The following C2CD5 variants were observed in gnomAD, a reference collection of about 807,000 sequenced individuals.
C2CD5 encodes C2 domain-containing protein 5.
Under a neutral mutation model 130.3 loss-of-function variants are expected in C2CD5, and 109 were observed. The ratio of observed to expected loss-of-function variants is 0.84; its 90% CI spans 0.72 to 0.98. The LOEUF is 0.98. C2CD5 is among the 50% of genes least tolerant of loss of function. C2CD5 has a pLI of 0.00. For synonymous variants in C2CD5, 454 were observed against 429.2 expected, an observed-to-expected ratio of 1.06 and a Z score of -0.71; for missense variants, 996 against 1,261.8, an observed-to-expected ratio of 0.79 and a Z score of 3.19.
chr12:22,498,814 C>A (rs1947373900), intron 10 of C2CD5, among the ~76,000 whole-genome samples: 1 of 152,066 alleles, frequency 6.6e-6, no homozygotes, highest in Non-Finnish European at 1.5e-5. Context: ...CTTAAAATAT[C>A]AACTCACAAA....
chr12:22,544,491 T>TC lies in C2CD5; in HGVS notation c.-202dup, dbSNP rs1369431032. On this transcript the variant is annotated 5_prime_UTR_variant, in exon 1 of 27. The change creates a premature stop within an existing upstream ORF in the 5' untranslated region. Coordinates refer to ENST00000446597, the MANE Select transcript of C2CD5 (RefSeq NM_001286176.2). ...CTCTGCCGCCCCTGCTTGTCTCTCC[T>TC]CCCCCGCTCTCAAAAATGGCGGCTC... 5 of 188,448 alleles carry TC rather than the reference T, an allele frequency of 2.7e-5. No homozygotes were observed. The highest frequency in any genetic ancestry group is 5.4e-5 in the Non-Finnish European group (5 of 92,388). The allele number at this position is 188,448 out of a possible 1,614,324, so 11.7% of individuals were successfully genotyped here.
rs918774545 is a variant in C2CD5, at chr12:22,491,095, G to A, written c.1263-877C>T. Among the ~76,000 whole-genome samples, 3 of 152,312 alleles carry A rather than the reference G, an allele frequency of 2.0e-5. No individual in the cohort carries two copies. In the East Asian group the frequency reaches 5.8e-4, roughly 29 times the overall value. On this transcript the variant is annotated intron_variant, in intron 11 of 26. Coordinates refer to ENST00000446597, the MANE Select transcript of C2CD5 (RefSeq NM_001286176.2). The stretch of plus-strand genomic sequence containing the variant: ...TATAAGAGCAGAAGTGCATTTCAGA[G>A]AGTTTAATCCAGTAACAGAAAGTAG...
At chr12:22,528,355 T>G (rs1414269795) in intron 3 of C2CD5, among the ~76,000 whole-genome samples, 1 of 152,182 alleles carries the variant, frequency 6.6e-6, no homozygotes, top group African/African-American at 2.4e-5. Flanking sequence ...AAAAACAACC[T>G]AAGTTCACAA....
Position 22,506,764 on chromosome 12 carries a change from C to A in C2CD5, c.1094G>T (p.Gly365Val), listed in dbSNP as rs767810284. Residue 365 changes from glycine to valine, a missense_variant, in exon 10 of 27, where the codon GGG becomes GTG. Physicochemically the swap from Gly to Val is moderately radical, Grantham distance 109 (BLOSUM62 -3). Transcript: ENST00000446597. ...CACAGAACGTGCACTAACTACACCCCCAACGTGTACAAGGAATCCAGGAGG... is the reference window on the plus strand; with the variant it reads ...CACAGAACGTGCACTAACTACACCCACAACGTGTACAAGGAATCCAGGAGG... ...AFPPGFLVHV[G>V]GVVSARSVKL... is the part of the protein sequence containing the mutation. The A allele has an allele frequency of 6.2e-7, 1 of 1,612,770 alleles. No homozygotes were observed. Among genetic ancestry groups the A allele is most frequent in the East Asian group, 2.2e-5 (1 of 44,834 alleles).
chr12:22,512,287 A>C (rs1949273151), intron 9 of C2CD5, among the ~76,000 whole-genome samples: 1 of 152,224 alleles, frequency 6.6e-6, no homozygotes, highest in Non-Finnish European at 1.5e-5. Flanking sequence ...TAGTTTTATG[A>C]AATGTATCCT....
intron 15 of C2CD5, 155 bp downstream of exon 15, chr12:22,478,158 A>G: frequency 1.6e-6 from 1 of 641,712 alleles, no homozygotes; most frequent in Non-Finnish European, 2.7e-6. Context: ...CCCGAAAAGG[A>G]GACAGTTGAG....
chr12:22,518,536 G>C (rs1220160017), intron 7 of C2CD5, among the ~76,000 whole-genome samples: 2 of 152,150 alleles, frequency 1.3e-5, no homozygotes, highest in Admixed American at 6.5e-5. Context: ...CACACACACA[G>C]ATATCCTCAA....
intron 26 of C2CD5, 27 bp from the exon 27 acceptor site, chr12:22,449,918 TCAGTTATACTC>T (rs1565627187): frequency 6.3e-7 from 1 of 1,579,798 alleles, no homozygotes; most frequent in South Asian, 1.1e-5. Flanking sequence ...CAGGACAGGT[TCAGTTATACTC>T]AACACATTCA....
chr12:22,525,294 C>T (rs1046801390), intron 5 of C2CD5, among the ~76,000 whole-genome samples: 11 of 152,128 alleles, frequency 7.2e-5, no homozygotes, highest in Non-Finnish European at 1.5e-4. Flanking sequence ...GACCCAATAC[C>T]CATAAAAGCC....
intron 8 of C2CD5, among the ~76,000 whole-genome samples, chr12:22,514,191 C>A (rs559073135): frequency 5.9e-5 from 9 of 152,244 alleles, no homozygotes; most frequent in African/African-American, 2.2e-4. Context: ...CAGTGCTCTA[C>A]AGACTAGAGT....
chr12:22,471,924 T>C, intron 19 of C2CD5, 43 bp downstream of exon 19: 1 of 1,043,806 alleles, frequency 9.6e-7, no homozygotes, highest in Non-Finnish European at 1.5e-6. Flanking sequence ...AAAATTTCAT[T>C]ATTATAGACG....
intron 9 of C2CD5, among the ~76,000 whole-genome samples, chr12:22,507,370 TTG>T (rs1371910699): frequency 6.6e-6 from 1 of 152,152 alleles, no homozygotes; most frequent in Non-Finnish European, 1.5e-5. Context: ...TAGAGAATCA[TTG>T]TGTGAGGTTA....
At chr12:22,485,211 G>A (rs1051648799) in intron 12 of C2CD5, among the ~76,000 whole-genome samples, 19 of 151,908 alleles carry the variant, frequency 1.3e-4, no homozygotes, top group African/African-American at 4.6e-4. Context: ...TTTAAAAAAT[G>A]GTTAGATGAT....
chr12:22,505,879 A>T (rs114052032), intron 10 of C2CD5, among the ~76,000 whole-genome samples: 1 of 147,900 alleles, frequency 6.8e-6, no homozygotes, highest in African/African-American at 2.4e-5. Flanking sequence ...CTGTTTTTCA[A>T]TTCTTAGCTA....
intron 10 of C2CD5, among the ~76,000 whole-genome samples, chr12:22,505,972 T>TTCCACCAATGACAGAGTGGAATCCCAGCA (rs1555195439): frequency 1.3e-5 from 2 of 152,092 alleles, no homozygotes; most frequent in Non-Finnish European, 2.9e-5. Flanking sequence ...AGTGCTGGGA[T>TTCCACCAATGACAGAGTGGAATCCCAGCA]CTGGGTTCTG....
intron 9 of C2CD5, among the ~76,000 whole-genome samples, chr12:22,508,642 G>C (rs1014106991): frequency 6.6e-6 from 1 of 152,084 alleles, no homozygotes; most frequent in Non-Finnish European, 1.5e-5. Flanking sequence ...AAAGAAGTTG[G>C]GAAAACAGTT....
intron 7 of C2CD5, among the ~76,000 whole-genome samples, chr12:22,522,511 C>T (rs1950360089): frequency 1.3e-5 from 2 of 152,286 alleles, no homozygotes; most frequent in African/African-American, 4.8e-5. Context: ...AAATGCATGA[C>T]TCTAAATTTC....
chr12:22,456,528 G>C (rs754437917), intron 25 of C2CD5, among the ~76,000 whole-genome samples: 5 of 152,184 alleles, frequency 3.3e-5, no homozygotes, highest in Non-Finnish European at 7.3e-5. Context: ...CTAACTGAGA[G>C]AGTAAAAAAT....
At chr12:22,527,080 C>T (rs927511968) in intron 4 of C2CD5, among the ~76,000 whole-genome samples, 4 of 151,952 alleles carry the variant, frequency 2.6e-5, no homozygotes, top group Non-Finnish European at 5.9e-5. Context: ...CTGCTTCAGG[C>T]AACAAAAAAC....
Sources: gnomAD v4.1 joint callset for allele counts (sites outside exome capture counted in the v4.1 genomes callset) on GRCh38, gnomAD v4.1.1 for gene constraint, MANE v1.5 for transcripts, NCBI Gene and HGNC (gene_info 2026-07-23, HGNC 2026-07-21) for gene names.